The following HELLS variants were observed in gnomAD, a reference collection of about 807,000 sequenced individuals.
The protein encoded by HELLS is helicase, lymphoid specific.
Under a neutral mutation model 120.0 loss-of-function variants are expected in HELLS, and 32 were observed. The observed-to-expected ratio is 0.27, with a 90% confidence interval of 0.20 to 0.36. The LOEUF (loss-of-function observed/expected upper bound fraction) is 0.36, where lower values mean the gene tolerates loss of function less well. Among genes scored for constraint, HELLS ranks in the 10% least tolerant of loss-of-function variants. The pLI is 1.00. For missense variants in HELLS, 650 were observed against 993.4 expected, an observed-to-expected ratio of 0.65 and a Z score of 4.65; for synonymous variants, 341 against 323.4, an observed-to-expected ratio of 1.05 and a Z score of -0.58.
In HELLS at chr10:94,545,908, G is replaced by C. The variant is rs767437085; in HGVS notation, c.-14G>C. 2 of 1,553,978 alleles carry C rather than the reference G, an allele frequency of 1.3e-6. No individual in the cohort carries two copies. Among genetic ancestry groups the C allele is most frequent in the Non-Finnish European group, 1.7e-6 (2 of 1,148,170 alleles). On this transcript the variant is annotated 5_prime_UTR_variant, in exon 1 of 22. Coordinates refer to ENST00000348459, the MANE Select transcript of HELLS (RefSeq NM_018063.5). ...TGAGAGGAGGGGACCCGGTTCCCGGGTGAGTGTCCAGGCATGCCAGCGGAA... is the reference window on the plus strand; with the variant it reads ...TGAGAGGAGGGGACCCGGTTCCCGGCTGAGTGTCCAGGCATGCCAGCGGAA...
chr10:94,555,378 A>C (rs1370434169), intron 3 of HELLS, among the ~76,000 whole-genome samples: 1 of 152,058 alleles, frequency 6.6e-6, no homozygotes, highest in Non-Finnish European at 1.5e-5. Flanking sequence ...CGGAGGTTGC[A>C]GTGAGCCGAG....
At chr10:94,601,474 G>T in intron 21 of HELLS, 54 bp from the exon 22 acceptor site, 2 of 959,530 alleles carry the variant, frequency 2.1e-6, no homozygotes, top group South Asian at 1.4e-5. Context: ...TTTCTTTTAC[G>T]ATTTCTTCTT....
At chr10:94,605,072 T>TC (rs3054948), downstream of HELLS, among the ~76,000 whole-genome samples, 2,690 of 66,580 alleles carry the variant, frequency 0.04, 210 homozygotes, top group African/African-American at 0.049. Flanking sequence ...GTCTTGTGTC[T>TC]CCCCCCCCCC....
intron 9 of HELLS, among the ~76,000 whole-genome samples, chr10:94,575,479 ATATT>A (rs1844394709): frequency 6.6e-6 from 1 of 150,642 alleles, no homozygotes; most frequent in Non-Finnish European, 1.5e-5. Context: ...CTCATTTTAT[ATATT>A]TATATATATA....
At chr10:94,592,074 A>G (rs1845514149) in intron 15 of HELLS, among the ~76,000 whole-genome samples, 155 bp from the exon 16 acceptor site, 1 of 152,210 alleles carries the variant, frequency 6.6e-6, no homozygotes, top group Non-Finnish European at 1.5e-5. Flanking sequence ...TTGAGTAATA[A>G]CTATCTTCTG....
At chr10:94,553,118 C>T (rs1402136565) in intron 2 of HELLS, among the ~76,000 whole-genome samples, 3 of 152,162 alleles carry the variant, frequency 2.0e-5, no homozygotes, top group African/African-American at 4.8e-5. Context: ...TTAGAATTCT[C>T]TAGTGTCACC....
intron 7 of HELLS, among the ~76,000 whole-genome samples, chr10:94,572,131 T>C (rs1844209275): frequency 6.6e-6 from 1 of 152,232 alleles, no homozygotes; most frequent in Admixed American, 6.5e-5. Flanking sequence ...TGTTAAGTTA[T>C]TAAGGACTGG....
At chr10:94,600,029 G>A (rs1002524352) in intron 21 of HELLS, among the ~76,000 whole-genome samples, 1 of 152,152 alleles carries the variant, frequency 6.6e-6, no homozygotes, top group African/African-American at 2.4e-5. Context: ...GGTGGCTCAT[G>A]CCTATAATCC....
chr10:94,592,362 T>G (rs781221939), intron 16 of HELLS, 33 bp from the exon 17 acceptor site: 1 of 1,580,700 alleles, frequency 6.3e-7, no homozygotes, highest in South Asian at 1.2e-5. Flanking sequence ...TTTTTATCAA[T>G]CATTAGAAAT....
chr10:94,561,436 C>T (rs1273527566), intron 4 of HELLS, among the ~76,000 whole-genome samples: 2 of 152,050 alleles, frequency 1.3e-5, no homozygotes, highest in African/African-American at 4.8e-5. Context: ...TTTTTCCCCT[C>T]TGCTTTTTTC....
chr10:94,582,987 T>C lies in HELLS; in HGVS notation c.1254T>C (p.Thr418=). The change falls in exon 12 of 22, where the codon ACT becomes ACC. Residue 418 remains threonine (T), a synonymous_variant. Coordinates refer to ENST00000348459, the MANE Select transcript of HELLS (RefSeq NM_018063.5). ...LKSFESWFDI[T]SLSETAEDII... is the part of the protein sequence containing the mutation. ...GCTTTGAGTCTTGGTTTGACATCAC[T>C]AGTCTTTCTGAAACTGCTGAAGATA... 6.2e-7 allele frequency: 1 copy of C among 1,603,848 alleles called. No homozygotes were observed. The highest frequency in any genetic ancestry group is 1.7e-5 in the Admixed American group (1 of 58,932).
At chr10:94,558,591 TCTCTTA>T (rs1476808801) in intron 4 of HELLS, among the ~76,000 whole-genome samples, 1 of 152,078 alleles carries the variant, frequency 6.6e-6, no homozygotes, top group Non-Finnish European at 1.5e-5. Context: ...TATCATGTCT[TCTCTTA>T]CTCTATTTTT....
chr10:94,576,694 G>A lies in HELLS; in HGVS notation c.921G>A (p.Glu307=), dbSNP rs773719571. 8 of 1,608,190 alleles carry A rather than the reference G, an allele frequency of 5.0e-6. No homozygotes were observed. The highest frequency in any genetic ancestry group is 1.7e-4 in the Middle Eastern group (1 of 6,052). The change falls in exon 10 of 22, where the codon GAG becomes GAA. Residue 307 remains glutamate (E), a synonymous_variant. Transcript: ENST00000348459. ...CAATGTTATATCATGGAACCCAGGA[G>A]GAACGTCAAAAATTGGTAAGAAATA... is the stretch of plus-strand genomic sequence containing the variant. ...IPTMLYHGTQ[E]ERQKLVRNIY... is the part of the protein sequence containing the mutation.
chr10:94,594,583 C>T lies in HELLS; in HGVS notation c.2089-112C>T, dbSNP rs182506597. The T allele has an allele frequency of 2.0e-4, 133 of 665,656 alleles. 2 individuals are homozygous for T. Among genetic ancestry groups the T allele is most frequent in the East Asian group, 2.0e-3 (70 of 35,614 alleles). The allele number at this position is 665,656 out of a possible 1,614,324, so 41.2% of individuals were successfully genotyped here. A position where few individuals can be genotyped will look rare whatever the true frequency, so the allele number is the denominator to read the frequency against. On this transcript the variant is annotated intron_variant, in intron 18 of 21. Transcript: ENST00000348459. ...GCCACTCTGGAAGTTTAAATTAAGA[C>T]ACCACTATTTAAAAGTTCCTGGCTA...
chr10:94,547,262 A>G (rs577601872), intron 2 of HELLS, among the ~76,000 whole-genome samples: 27 of 152,266 alleles, frequency 1.8e-4, no homozygotes, highest in Middle Eastern at 6.8e-3. Context: ...TTATTAATTT[A>G]TTAAACTCTA....
At chr10:94,576,307 C>G (rs1844478182) in intron 9 of HELLS, among the ~76,000 whole-genome samples, 1 of 152,048 alleles carries the variant, frequency 6.6e-6, no homozygotes, top group East Asian at 1.9e-4. Flanking sequence ...TGCGTACCAC[C>G]ACACCAGCTA....
intron 11 of HELLS, 61 bp downstream of exon 11, chr10:94,581,583 C>T: frequency 8.2e-7 from 1 of 1,215,560 alleles, no homozygotes; most frequent in East Asian, 2.4e-5. Context: ...GTTAAAATTA[C>T]TTTCTTTTCA....
chr10:94,559,935 G>A (rs1229217082), intron 4 of HELLS, among the ~76,000 whole-genome samples: 3 of 152,200 alleles, frequency 2.0e-5, no homozygotes. Context: ...AAGTACTGCA[G>A]ATAATGAGAG....
intron 4 of HELLS, among the ~76,000 whole-genome samples, chr10:94,558,894 C>T (rs1240983479): frequency 6.6e-6 from 1 of 152,170 alleles, no homozygotes; most frequent in African/African-American, 2.4e-5. Context: ...AGCCACCACG[C>T]CCAGCCTGTT....
Sources: allele counts gnomAD v4.1 joint callset (sites outside exome capture counted in the v4.1 genomes callset), GRCh38; gene constraint gnomAD v4.1.1; transcripts MANE v1.5; gene names NCBI Gene and HGNC (gene_info 2026-07-23, HGNC 2026-07-21).